The following GPR139 variants were observed in gnomAD, a reference collection of about 807,000 sequenced individuals.
The protein encoded by GPR139 is probable G protein-coupled receptor 139.
In GPR139, 12 loss-of-function variants were observed where a neutral mutation model predicts 25.8. The ratio of observed to expected loss-of-function variants is 0.47; its 90% confidence interval spans 0.30 to 0.75. The LOEUF (loss-of-function observed/expected upper bound fraction) is 0.75, where lower values mean the gene tolerates loss of function less well. Ranked by LOEUF, GPR139 falls within the 30% of genes least tolerant of loss-of-function variation. The pLI, the probability that GPR139 is intolerant of heterozygous loss-of-function variation, is 0.07. For missense variants in GPR139, 380 were observed against 450.2 expected (o/e 0.84, Z 1.41); for synonymous variants, 184 against 179.9 (o/e 1.02, Z -0.18).
chr16:20,051,062 C>CAAAAAAA (rs3041359), intron 1 of GPR139, among the ~76,000 whole-genome samples: 2,518 of 121,206 alleles, frequency 0.021, 56 homozygotes, highest in African/African-American at 0.048. Context: ...GACCCTGTTT[C>CAAAAAAA]AAAAAAAAAA....
chr16:20,052,314 G>A (rs2057375018), intron 1 of GPR139, among the ~76,000 whole-genome samples: 1 of 152,112 alleles, frequency 6.6e-6, no homozygotes, highest in South Asian at 2.1e-4. Context: ...TTTCCTCTGC[G>A]ATACCGTTTC....
At chr16:20,039,965 C>T (rs1246456355) in intron 1 of GPR139, among the ~76,000 whole-genome samples, 1 of 152,126 alleles carries the variant, frequency 6.6e-6, no homozygotes, top group Non-Finnish European at 1.5e-5. Context: ...AAGGTTAGGT[C>T]ATAAGTGGGT....
chr16:20,055,989 C>T (rs902282821), intron 1 of GPR139, among the ~76,000 whole-genome samples: 1 of 152,210 alleles, frequency 6.6e-6, no homozygotes, highest in African/African-American at 2.4e-5. Flanking sequence ...GTAGTAGGAA[C>T]TCAATGTTAA....
Position 20,032,595 on chromosome 16 carries a change from C to G in GPR139, c.202G>C (p.Ala68Pro). 1 of 1,613,968 alleles carries G rather than the reference C, an allele frequency of 6.2e-7. No homozygotes were observed. Among genetic ancestry groups the G allele is most frequent in the Non-Finnish European group, 8.5e-7 (1 of 1,179,890 alleles). ...RQKSSYNYLL[A>P]LAAADILVLF... ...ACCAAGATGTCGGCAGCAGCGAGTG[C>G]CAAGAGATAGTTGTAGGAGGACTTC... Residue 68 changes from alanine (A) to proline (P), a missense_variant, in exon 2 of 2, where the codon GCA becomes CCA. Transcript: ENST00000570682.
chr16:20,049,537 C>G (rs898849678), intron 1 of GPR139, among the ~76,000 whole-genome samples: 1 of 152,128 alleles, frequency 6.6e-6, no homozygotes, highest in East Asian at 1.9e-4. Flanking sequence ...ATTTAATGTG[C>G]GAAATCATCT....
At chr16:20,065,804 T>C (rs1057204709) in intron 1 of GPR139, among the ~76,000 whole-genome samples, 1 of 148,720 alleles carries the variant, frequency 6.7e-6, no homozygotes, top group East Asian at 2.0e-4. Context: ...ACCTGGGAGA[T>C]GGAGCTTGCA....
intron 1 of GPR139, among the ~76,000 whole-genome samples, chr16:20,056,289 G>T (rs189939042): frequency 8.1e-4 from 123 of 152,334 alleles, no homozygotes; most frequent in African/African-American, 2.8e-3. Context: ...ACAGTAATGT[G>T]ATTTACTTCT....
In GPR139 at chr16:20,038,369, G is replaced by GTGTGTGTATA. The variant is rs4028367; in HGVS notation, c.128-5701_128-5700insTATACACACA. Among the ~76,000 whole-genome samples, 147 of 133,252 alleles carry GTGTGTGTATA rather than the reference G, an allele frequency of 1.1e-3. 1 individual carries two copies. The highest frequency in any genetic ancestry group is 3.4e-3 in the African/African-American group (127 of 36,896). The allele number at this position is 133,252 out of a possible 152,430, so 87.4% of individuals were successfully genotyped here. A position where few individuals can be genotyped will look rare whatever the true frequency, so the allele number is the denominator to read the frequency against. ...TGTGTGTGTGTGTGTGTGTGTGTGT[G>GTGTGTGTATA]TATTCTATAGAGAGTGACTCTCCCA... On this transcript the variant is annotated intron_variant, in intron 1 of 1. Coordinates refer to ENST00000570682, the MANE Select transcript of GPR139 (RefSeq NM_001002911.4).
chr16:20,062,810 A>G (rs1161627551), intron 1 of GPR139, among the ~76,000 whole-genome samples: 1 of 152,238 alleles, frequency 6.6e-6, no homozygotes, highest in Non-Finnish European at 1.5e-5. Context: ...TTATTTAACT[A>G]TATACATCCA....
intron 1 of GPR139, among the ~76,000 whole-genome samples, chr16:20,045,857 C>T (rs912539416): frequency 1.3e-5 from 2 of 152,222 alleles, no homozygotes; most frequent in African/African-American, 4.8e-5. Context: ...TCCTGCCCAT[C>T]TACTGATTTC....
chr16:20,032,175 A>T lies in GPR139; in HGVS notation c.622T>A (p.Tyr208Asn), dbSNP rs934038967. ...IFFILNSIIV[Y>N]KLRRKSNFRL... ...AAATTGCTCTTCCTCCTGAGCTTGTACACAATGATTGAGTTCAAGATGAAG... is the reference window on the plus strand; with the variant it reads ...AAATTGCTCTTCCTCCTGAGCTTGTTCACAATGATTGAGTTCAAGATGAAG... Residue 208 changes from tyrosine to asparagine, a missense_variant, in exon 2 of 2, where the codon TAC becomes AAC. Transcript: ENST00000570682. 2 of 1,614,220 alleles carry T rather than the reference A, an allele frequency of 1.2e-6. No individual in the cohort carries two copies. The highest frequency in any genetic ancestry group is 1.7e-6 in the Non-Finnish European group (2 of 1,180,034).
At chr16:20,043,209 A>G (rs905610457) in intron 1 of GPR139, among the ~76,000 whole-genome samples, 3 of 152,200 alleles carry the variant, frequency 2.0e-5, no homozygotes, top group African/African-American at 7.2e-5. Context: ...TTGCCAACCA[A>G]TTGACCTCCT....
Position 20,038,327 on chromosome 16 carries a change from ATATGTGTGTG to A in GPR139, c.128-5668_128-5659del, listed in dbSNP as rs1356918308. 1.1e-3 allele frequency among the ~76,000 whole-genome samples: 92 copies of A among 81,620 alleles called. 1 individual carries two copies. Among genetic ancestry groups the A allele is most frequent in the African/African-American group, 4.3e-3 (90 of 20,886 alleles). 53.5% of individuals were successfully genotyped at this position (81,620 alleles called of 152,430 possible). A position where few individuals can be genotyped will look rare whatever the true frequency, so the allele number is the denominator to read the frequency against. On this transcript the variant is annotated intron_variant, in intron 1 of 1. Coordinates refer to ENST00000570682, the MANE Select transcript of GPR139 (RefSeq NM_001002911.4). The stretch of plus-strand genomic sequence containing the variant: ...AGGTTTAAGTTCCTGGATAATATAT[ATATGTGTGTG>A]TGTGTGTGTGTGTGTGTGTGTGTGT...
chr16:20,073,536 G>T lies in GPR139; in HGVS notation c.81C>A (p.Phe27Leu). 6.2e-7 allele frequency: 1 copy of T among 1,607,896 alleles called. No individual in the cohort carries two copies. Among genetic ancestry groups the T allele is most frequent in the Non-Finnish European group, 8.5e-7 (1 of 1,177,572 alleles). ...AGAGGCTGTAGTAGACCACGGGCAC[G>T]AAACCCAAGCCGCAGGCCGAGCCGG... Reference protein sequence around the residue: ...WSPGSACGLGFVPVVYYSLLL... With the variant: ...WSPGSACGLGLVPVVYYSLLL... Residue 27 changes from phenylalanine (F) to leucine (L), a missense_variant, in exon 1 of 2, where the codon TTC (phenylalanine) becomes TTA (leucine). Transcript: ENST00000570682. This position sits in a 1 kb window ranked among gnomAD's most constrained non-coding sequence, Gnocchi z 4.7.
intron 1 of GPR139, among the ~76,000 whole-genome samples, chr16:20,063,184 A>G (rs2057419861): frequency 6.6e-6 from 1 of 152,238 alleles, no homozygotes; most frequent in South Asian, 2.1e-4. Context: ...GCACGTGTAT[A>G]TAACCACCCC....
rs1239197630 is a variant in GPR139, at chr16:20,029,778, C to A, written c.*1957G>T. On this transcript the variant is annotated 3_prime_UTR_variant, in exon 2 of 2. Transcript: ENST00000570682. The stretch of plus-strand genomic sequence containing the variant: ...AGCATCTTGATGCACCAGGGTGGTC[C>A]TAATGTTCTCAGATACATTAGAATC... Among the ~76,000 whole-genome samples the A allele has an allele frequency of 1.3e-5, 2 of 152,080 alleles. No homozygotes were observed. Among genetic ancestry groups the A allele is most frequent in the African/African-American group, 4.8e-5 (2 of 41,398 alleles).
intron 1 of GPR139, among the ~76,000 whole-genome samples, chr16:20,042,685 A>ATCATCT (rs796423101): frequency 3.9e-5 from 6 of 152,026 alleles, no homozygotes; most frequent in African/African-American, 1.4e-4. Flanking sequence ...TAGCTTCACT[A>ATCATCT]TCATCTCCTC....
At chr16:20,070,102 T>TTGCCTTA (rs1187389580) in intron 1 of GPR139, among the ~76,000 whole-genome samples, 1 of 152,228 alleles carries the variant, frequency 6.6e-6, no homozygotes, top group Non-Finnish European at 1.5e-5. Flanking sequence ...ATTGCACTGT[T>TTGCCTTA]TGCCTTATTG....
At chr16:20,061,019 CT>C (rs1279965412) in intron 1 of GPR139, among the ~76,000 whole-genome samples, 3 of 151,886 alleles carry the variant, frequency 2.0e-5, no homozygotes, top group Non-Finnish European at 1.5e-5. Context: ...CTCAGTTGAA[CT>C]TTTACACTTA....
Sources: gnomAD v4.1 joint callset for allele counts (sites outside exome capture counted in the v4.1 genomes callset) on GRCh38, gnomAD v4.1.1 for gene constraint, Gnocchi (gnomAD v3.1) non-coding constraint, MANE v1.5 for transcripts, NCBI Gene and HGNC (gene_info 2026-07-23, HGNC 2026-07-21) for gene names.